The following FAM20C variants were observed in gnomAD, a reference collection of about 807,000 sequenced individuals.
The protein encoded by FAM20C is FAM20C golgi associated secretory pathway kinase.
In FAM20C, 40 loss-of-function variants were observed where a neutral mutation model predicts 51.5. The ratio of observed to expected loss-of-function variants is 0.78; its 90% confidence interval spans 0.60 to 1.01. FAM20C has a LOEUF of 1.01. Ranked by LOEUF, FAM20C falls within the 50% of genes least tolerant of loss-of-function variation. The probability of loss-of-function intolerance (pLI) is 0.00; values close to 1 mark genes in which losing one functional copy is unlikely to be tolerated. For synonymous variants in FAM20C, 406 were observed against 380.6 expected (o/e 1.07, Z -0.78); for missense variants, 861 against 844.7 (o/e 1.02, Z -0.24).
Position 246,394 on chromosome 7 carries a change from G to GT in FAM20C, c.864-18dup. 4 of 1,487,514 alleles carry GT rather than the reference G, an allele frequency of 2.7e-6. No individual in the cohort carries two copies. In the East Asian group the frequency reaches 8.4e-5, roughly 31 times the overall value. 92.1% of individuals were successfully genotyped at this position (1,487,514 alleles called of 1,614,324 possible). ...GCTTTCTCAGTGACAAACCGTTTCT[G>GT]TTTCTGTCTTGTTTTCTCAGACAAA... On this transcript the variant is annotated intron_variant, in intron 3 of 9. Coordinates refer to ENST00000313766, the MANE Select transcript of FAM20C (RefSeq NM_020223.4).
intron 3 of FAM20C, among the ~76,000 whole-genome samples, chr7:226,389 G>A (rs981243167): frequency 6.6e-5 from 10 of 152,192 alleles, no homozygotes; most frequent in African/African-American, 2.2e-4. Flanking sequence ...TCTCCTGCAT[G>A]GGCTGACTCA....
chr7:258,337 TGGGCA>T (rs1788719241), intron 8 of FAM20C, among the ~76,000 whole-genome samples: 7 of 93,972 alleles, frequency 7.4e-5, no homozygotes, highest in Admixed American at 9.1e-5. Flanking sequence ...GTGCTGGAGA[TGGGCA>T]GGGTGGACCC....
At chr7:247,363 G>A (rs933393856) in intron 4 of FAM20C, among the ~76,000 whole-genome samples, 2 of 152,120 alleles carry the variant, frequency 1.3e-5, no homozygotes, top group Admixed American at 6.5e-5. Flanking sequence ...GGGAGGAGGC[G>A]CCACCCTCAG....
chr7:218,410 G>T (rs1332148316), intron 3 of FAM20C, among the ~76,000 whole-genome samples: 1 of 152,330 alleles, frequency 6.6e-6, no homozygotes, highest in East Asian at 1.9e-4. Context: ...CAGTTCACCC[G>T]CACTGACCCT....
chr7:195,583 T>TC lies in FAM20C; in HGVS notation c.637dup (p.Leu213ProfsTer86). 1 of 1,595,246 alleles carries TC rather than the reference T, an allele frequency of 6.3e-7. No homozygotes were observed. Among genetic ancestry groups the TC allele is most frequent in the South Asian group, 1.1e-5 (1 of 88,448 alleles). ...CATGCGGGTGCTGAAGGTGCAGAAT[T>TC]CCTCTCCCCCGGGGAGGCGGCCGTG... On this transcript the variant is annotated frameshift_variant, in exon 2 of 10. Coordinates refer to ENST00000313766, the MANE Select transcript of FAM20C (RefSeq NM_020223.4). LOFTEE classifies it high-confidence loss of function.
intron 3 of FAM20C, among the ~76,000 whole-genome samples, chr7:224,061 A>AAT (rs1462532361): frequency 1.5e-5 from 2 of 137,214 alleles, no homozygotes; most frequent in African/African-American, 5.3e-5. Flanking sequence ...CATTGCGCAG[A>AAT]ATGGCACCGT....
intron 4 of FAM20C, among the ~76,000 whole-genome samples, chr7:248,018 T>C (rs1478011127): frequency 6.6e-6 from 1 of 152,214 alleles, no homozygotes; most frequent in African/African-American, 2.4e-5. Context: ...AATTTTGTTT[T>C]AAATTTAGCC....
chr7:193,307 C>T lies in FAM20C; in HGVS notation c.108C>T (p.Arg36=). The change falls in exon 1 of 10, where the codon CGC becomes CGT. Residue 36 remains arginine, a synonymous_variant. Transcript: ENST00000313766. ...ALDLLPRLER[R]GARPSGEPGC... is the part of the protein sequence containing the mutation. ...ACCTGCTGCCCAGGCTGGAGCGACGCGGCGCGCGGCCCTCGGGGGAGCCCG... is the reference window on the plus strand; with the variant it reads ...ACCTGCTGCCCAGGCTGGAGCGACGTGGCGCGCGGCCCTCGGGGGAGCCCG... 1.4e-6 allele frequency: 2 copies of T among 1,407,222 alleles called. No individual in the cohort carries two copies. The highest frequency in any genetic ancestry group is 2.6e-5 in the South Asian group (2 of 75,598). 87.2% of individuals were successfully genotyped at this position (1,407,222 alleles called of 1,614,324 possible).
chr7:210,446 C>T (rs1256685692), intron 3 of FAM20C, among the ~76,000 whole-genome samples: 1 of 150,942 alleles, frequency 6.6e-6, no homozygotes, highest in African/African-American at 2.4e-5. Context: ...GGGCAGGAGA[C>T]AAATGAGCCT....
intron 9 of FAM20C, among the ~76,000 whole-genome samples, chr7:259,112 G>A (rs1788763052): frequency 6.6e-6 from 1 of 152,240 alleles, no homozygotes; most frequent in African/African-American, 2.4e-5. Context: ...CAGGCTTGCA[G>A]GGCAAACGCT....
At chr7:251,335 G>A (rs557725571) in intron 5 of FAM20C, among the ~76,000 whole-genome samples, 137 of 152,132 alleles carry the variant, frequency 9.0e-4, no homozygotes, top group African/African-American at 3.2e-3. Flanking sequence ...CCTGGACAAC[G>A]TAGCGAGACC....
chr7:198,892 C>G (rs767411619), intron 2 of FAM20C, among the ~76,000 whole-genome samples: 4 of 152,218 alleles, frequency 2.6e-5, no homozygotes, highest in Admixed American at 6.5e-5. Context: ...ATGAGGGTCT[C>G]AGTCTAGATG....
At chr7:255,659 G>A (rs547249431) in intron 5 of FAM20C, among the ~76,000 whole-genome samples, 190 bp from the exon 6 acceptor site, 12 of 152,284 alleles carry the variant, frequency 7.9e-5, no homozygotes, top group Admixed American at 3.9e-4. Flanking sequence ...GCCTCGGGAC[G>A]TCAGCTCTGT....
chr7:229,854 C>T (rs987309546), intron 3 of FAM20C, among the ~76,000 whole-genome samples: 5 of 151,936 alleles, frequency 3.3e-5, no homozygotes, highest in South Asian at 2.1e-4. Context: ...TTTTTGCCTC[C>T]GTGCCTTCAT....
At chr7:223,608 G>A (rs28754499) in intron 3 of FAM20C, among the ~76,000 whole-genome samples, 4,074 of 152,282 alleles carry the variant, frequency 0.027, 181 homozygotes, top group African/African-American at 0.093. Flanking sequence ...TGTGTGGGGC[G>A]TCCCGGCTGC....
intron 3 of FAM20C, among the ~76,000 whole-genome samples, chr7:217,817 C>T (rs866043347): frequency 1.3e-5 from 2 of 152,104 alleles, no homozygotes; most frequent in South Asian, 2.1e-4. Flanking sequence ...CTGAGAGGTT[C>T]GATGAGCGCC....
chr7:247,998 C>T (rs1226587692), intron 4 of FAM20C, among the ~76,000 whole-genome samples: 3 of 152,226 alleles, frequency 2.0e-5, no homozygotes, highest in African/African-American at 7.2e-5. Context: ...AAAAGTGGCT[C>T]CTTTAATTTA....
rs192018298 is a variant in FAM20C, at chr7:230,902, G to A, written c.864-15513G>A. ...CCTACCAGTAAATGAAGGGAAAAGCGCCACATCAACCTGGCTTCAGTGTGG... is the reference window on the plus strand; with the variant it reads ...CCTACCAGTAAATGAAGGGAAAAGCACCACATCAACCTGGCTTCAGTGTGG... On this transcript the variant is annotated intron_variant, in intron 3 of 9. Coordinates refer to ENST00000313766, the MANE Select transcript of FAM20C (RefSeq NM_020223.4). Among the ~76,000 whole-genome samples the A allele has an allele frequency of 5.9e-5, 9 of 152,260 alleles. No homozygotes were observed. In the East Asian group the frequency reaches 1.4e-3, roughly 23 times the overall value.
At chr7:209,090 G>A (rs896670508) in intron 3 of FAM20C, 114 bp downstream of exon 3, 2 of 1,040,618 alleles carry the variant, frequency 1.9e-6, no homozygotes, top group African/African-American at 1.6e-5. Context: ...TGGGGAGACT[G>A]TGGGTGACCA....
Sources: allele counts gnomAD v4.1 joint callset (sites outside exome capture counted in the v4.1 genomes callset), GRCh38; gene constraint gnomAD v4.1.1; transcripts MANE v1.5; gene names NCBI Gene and HGNC (gene_info 2026-07-23, HGNC 2026-07-21).